Variants in KCNQ5 observed in about 807,000 individuals in gnomAD.
The protein encoded by KCNQ5 is potassium voltage-gated channel subfamily Q member 5, also known as potassium voltage-gated channel subfamily KQT member 5.
In KCNQ5, 30 loss-of-function variants were observed where a neutral mutation model predicts 98.2. The observed-to-expected ratio is 0.31, with a 90% CI of 0.23 to 0.41. KCNQ5 has a LOEUF of 0.41. KCNQ5 is among the 10% of genes least tolerant of loss of function. KCNQ5 has a pLI of 1.00. For synonymous variants in KCNQ5, 458 were observed against 449.4 expected (o/e 1.02, Z -0.24); for missense variants, 835 against 1,182.5 (o/e 0.71, Z 4.31).
At chr6:72,886,826 A>C (rs180824348) in intron 1 of KCNQ5, among the ~76,000 whole-genome samples, 1 of 152,262 alleles carries the variant, frequency 6.6e-6, no homozygotes, top group Admixed American at 6.5e-5. Context: ...CAAAAGCAAA[A>C]CAACTTTGTT....
chr6:72,627,114 C>A (rs1034221423), intron 1 of KCNQ5, among the ~76,000 whole-genome samples: 4 of 152,188 alleles, frequency 2.6e-5, no homozygotes, highest in African/African-American at 4.8e-5. Context: ...GCAACCAGAA[C>A]TGTTTCTGGC....
chr6:72,700,770 G>A (rs955417380), intron 1 of KCNQ5, among the ~76,000 whole-genome samples: 2 of 152,164 alleles, frequency 1.3e-5, no homozygotes, highest in African/African-American at 4.8e-5. Context: ...CCTAGCACCG[G>A]CACATTCCCA....
chr6:73,108,165 C>T (rs1027006957), intron 6 of KCNQ5, among the ~76,000 whole-genome samples: 1 of 152,158 alleles, frequency 6.6e-6, no homozygotes, highest in Non-Finnish European at 1.5e-5. Context: ...GTCATACAAG[C>T]CACCCATCCA....
intron 1 of KCNQ5, among the ~76,000 whole-genome samples, chr6:72,827,920 G>T (rs961256920): frequency 6.6e-6 from 1 of 152,074 alleles, no homozygotes; most frequent in African/African-American, 2.4e-5. Flanking sequence ...GTAAGAGGTG[G>T]AAGTCTAGTT....
chr6:73,136,807 C>G (rs2150462425), intron 10 of KCNQ5: 1 of 152,170 alleles, frequency 6.6e-6, no homozygotes, highest in African/African-American at 2.4e-5. Context: ...ACTTATAGTA[C>G]CTCTTTAGGT....
At chr6:72,843,326 T>C (rs1473047965) in intron 1 of KCNQ5, among the ~76,000 whole-genome samples, 1 of 152,226 alleles carries the variant, frequency 6.6e-6, no homozygotes, top group Non-Finnish European at 1.5e-5. Context: ...GCCTCTGTTC[T>C]GTTCTGTTGG....
At chr6:72,740,073 A>G (rs1273644407) in intron 1 of KCNQ5, among the ~76,000 whole-genome samples, 2 of 152,214 alleles carry the variant, frequency 1.3e-5, no homozygotes, top group African/African-American at 4.8e-5. Flanking sequence ...GGTACCAGAG[A>G]AATTGTTTTT....
chr6:72,849,125 C>T (rs2150140493), intron 1 of KCNQ5, among the ~76,000 whole-genome samples: 1 of 152,018 alleles, frequency 6.6e-6, no homozygotes, highest in East Asian at 1.9e-4. Context: ...TACACACACA[C>T]ACACACACAC....
chr6:72,692,600 A>G (rs1768268256), intron 1 of KCNQ5, among the ~76,000 whole-genome samples: 1 of 152,224 alleles, frequency 6.6e-6, no homozygotes, highest in Non-Finnish European at 1.5e-5. Flanking sequence ...AAGGTGATGA[A>G]GAACAAAATG....
At chr6:72,841,422 C>A (rs374875818) in intron 1 of KCNQ5, among the ~76,000 whole-genome samples, 39 of 152,198 alleles carry the variant, frequency 2.6e-4, no homozygotes, top group African/African-American at 6.5e-4. Context: ...TATAGCATGT[C>A]ACTCTCCATG....
chr6:73,175,456 A>G (rs900502468), intron 11 of KCNQ5, among the ~76,000 whole-genome samples: 3 of 152,118 alleles, frequency 2.0e-5, no homozygotes, highest in Admixed American at 1.3e-4. Flanking sequence ...CTGGTCTAGA[A>G]GAGCAATTTT....
In KCNQ5 at chr6:73,187,654, CAT is replaced by C. The variant is rs530514772; in HGVS notation, c.1578-2917_1578-2916del. ...TCATTATGTGAGTATATTGAAATAA[CAT>C]AAAAGATAATCAGTTTCATTTTTAG... On this transcript the variant is annotated intron_variant, in intron 11 of 13. Transcript: ENST00000370398. Among the ~76,000 whole-genome samples the C allele has an allele frequency of 1.7e-3, 256 of 152,206 alleles. 1 individual carries two copies. The highest frequency in any genetic ancestry group is 5.8e-3 in the African/African-American group (241 of 41,522).
chr6:72,849,382 T>C (rs1426630623), intron 1 of KCNQ5, among the ~76,000 whole-genome samples: 1 of 152,282 alleles, frequency 6.6e-6, no homozygotes, highest in African/African-American at 2.4e-5. Flanking sequence ...TCCATAGAGG[T>C]TGTACTAATT....
rs1214747119 is a variant in KCNQ5 at position 73,094,689 on chromosome 6, T to C, written c.919-10568T>C. Among the ~76,000 whole-genome samples, 3 of 152,172 alleles carry C rather than the reference T, an allele frequency of 2.0e-5. No homozygotes were observed. In the South Asian group the frequency reaches 6.2e-4, roughly 32 times the overall value. On this transcript the variant is annotated intron_variant, in intron 5 of 13. Transcript: ENST00000370398. ...TTTCCTTCATATATGAAGGATAGTTTTGTTGGATACAAAATTCTTGGCTGG... is the reference window on the plus strand; with the variant it reads ...TTTCCTTCATATATGAAGGATAGTTCTGTTGGATACAAAATTCTTGGCTGG...
At chr6:73,059,446 A>G (rs1772679642) in intron 3 of KCNQ5, among the ~76,000 whole-genome samples, 1 of 152,300 alleles carries the variant, frequency 6.6e-6, no homozygotes, top group Non-Finnish European at 1.5e-5. Flanking sequence ...GCATAAAAAA[A>G]CTACCTATCA....
intron 1 of KCNQ5, among the ~76,000 whole-genome samples, chr6:73,003,321 T>C (rs546038124): frequency 4.2e-4 from 64 of 152,296 alleles, no homozygotes; most frequent in African/African-American, 1.4e-3. Context: ...GGAAAGTGTA[T>C]GGGTAGCAGA....
At chr6:72,739,174 C>T (rs779158238) in intron 1 of KCNQ5, among the ~76,000 whole-genome samples, 10 of 152,160 alleles carry the variant, frequency 6.6e-5, no homozygotes, top group South Asian at 2.1e-4. Context: ...GAGCGCTATA[C>T]TTTTGCTCAA....
intron 2 of KCNQ5, among the ~76,000 whole-genome samples, chr6:73,021,449 T>C (rs574877994): frequency 3.1e-3 from 475 of 152,318 alleles, no homozygotes; most frequent in South Asian, 0.022. Context: ...CTTTATAGAA[T>C]TTATAACTAT....
At chr6:72,834,811 G>A (rs1776432070) in intron 1 of KCNQ5, among the ~76,000 whole-genome samples, 1 of 151,912 alleles carries the variant, frequency 6.6e-6, no homozygotes, top group African/African-American at 2.4e-5. Context: ...TGCTATTTTT[G>A]TTGTATGGCT....
Sources: allele counts gnomAD v4.1 joint callset (sites outside exome capture counted in the v4.1 genomes callset), GRCh38; gene constraint gnomAD v4.1.1; transcripts MANE v1.5; gene names NCBI Gene and HGNC (gene_info 2026-07-23, HGNC 2026-07-21).